The following KCND2 variants were observed in gnomAD, a reference collection of about 807,000 sequenced individuals.
KCND2 encodes the protein A-type voltage-gated potassium channel KCND2.
A neutral mutation model predicts 54.4 loss-of-function variants in KCND2; 16 were observed. That is an observed-to-expected ratio of 0.29 (90% CI 0.20 to 0.45). KCND2 has a LOEUF of 0.45. Among genes scored for constraint, KCND2 ranks in the 20% least tolerant of loss-of-function variants. The pLI is 1.00. For missense variants in KCND2, 486 were observed against 824.2 expected (o/e 0.59, Z 5.02); for synonymous variants, 317 against 310.7 (o/e 1.02, Z -0.21).
chr7:120,274,863 C>T lies in KCND2; in HGVS notation c.231C>T (p.His77=), dbSNP rs1376355469. ...LGSSERDFFY[H]PETQQYFFDR... ...GTTCTGAGAGGGACTTTTTCTACCA[C>T]CCAGAAACTCAGCAGTATTTCTTTG... Residue 77 remains histidine, a synonymous_variant, in exon 1 of 6, where the codon CAC becomes CAT. Transcript: ENST00000331113. The T allele has an allele frequency of 1.9e-6, 3 of 1,614,190 alleles. No homozygotes were observed. The highest frequency in any genetic ancestry group is 1.7e-5 in the Admixed American group (1 of 60,030).
intron 1 of KCND2, among the ~76,000 whole-genome samples, chr7:120,469,639 A>G (rs1802425432): frequency 6.6e-6 from 1 of 152,158 alleles, no homozygotes; most frequent in Admixed American, 6.6e-5. Flanking sequence ...AGAAAGGTTT[A>G]GTGGGATATG....
At chr7:120,304,290 G>C (rs1799621413) in intron 1 of KCND2, among the ~76,000 whole-genome samples, 1 of 152,100 alleles carries the variant, frequency 6.6e-6, no homozygotes, top group African/African-American at 2.4e-5. Context: ...GGGAAGTTCG[G>C]TATTTTGAAA....
At chr7:120,730,242 C>A (rs186531862) in intron 1 of KCND2, among the ~76,000 whole-genome samples, 1 of 151,928 alleles carries the variant, frequency 6.6e-6, no homozygotes, top group African/African-American at 2.4e-5. Flanking sequence ...TGCGCGCGTG[C>A]GTGTGTGTGT....
chr7:120,289,261 G>C (rs537071155), intron 1 of KCND2, among the ~76,000 whole-genome samples: 1 of 152,034 alleles, frequency 6.6e-6, no homozygotes, highest in African/African-American at 2.4e-5. Flanking sequence ...TCCGCTGACT[G>C]TCCCCCTTAT....
rs985799002 is a variant in KCND2 at position 120,451,996 on chromosome 7, A to T, written c.1115+176249A>T. Among the ~76,000 whole-genome samples, 5 of 152,374 alleles carry T rather than the reference A, an allele frequency of 3.3e-5. No homozygotes were observed. In the South Asian group the frequency reaches 1.0e-3, roughly 32 times the overall value. On this transcript the variant is annotated intron_variant, in intron 1 of 5. Coordinates refer to ENST00000331113, the MANE Select transcript of KCND2 (RefSeq NM_012281.3). The stretch of plus-strand genomic sequence containing the variant: ...ATTATTCAAACTACAACAGAAATCG[A>T]TAACACATTTTTAATGAAAAAATAT...
At chr7:120,618,895 T>C (rs908067465) in intron 1 of KCND2, among the ~76,000 whole-genome samples, 3 of 152,152 alleles carry the variant, frequency 2.0e-5, no homozygotes, top group African/African-American at 7.2e-5. Flanking sequence ...ACAGGCTAGA[T>C]TTGAACTCCT....
chr7:120,529,406 A>G (rs1443061008), intron 1 of KCND2, among the ~76,000 whole-genome samples: 1 of 152,160 alleles, frequency 6.6e-6, no homozygotes, highest in Non-Finnish European at 1.5e-5. Context: ...TCATGGCAGC[A>G]TTCCAGCTGC....
At chr7:120,419,548 A>G (rs1801578754) in intron 1 of KCND2, among the ~76,000 whole-genome samples, 1 of 152,102 alleles carries the variant, frequency 6.6e-6, no homozygotes, top group Non-Finnish European at 1.5e-5. Context: ...TGCTCCTCCA[A>G]ATGGGTGCAA....
chr7:120,603,798 A>T (rs1223078259), intron 1 of KCND2, among the ~76,000 whole-genome samples: 1 of 152,242 alleles, frequency 6.6e-6, no homozygotes, highest in Non-Finnish European at 1.5e-5. Flanking sequence ...ATTTATCTCT[A>T]CTGGCAAAAA....
chr7:120,499,484 A>G (rs113208471), intron 1 of KCND2, among the ~76,000 whole-genome samples: 118 of 152,286 alleles, frequency 7.7e-4, no homozygotes, highest in African/African-American at 2.7e-3. Context: ...TCTGCAAAGT[A>G]CATTAAAAGA....
chr7:120,430,937 A>T (rs1355648123), intron 1 of KCND2, among the ~76,000 whole-genome samples: 1 of 152,230 alleles, frequency 6.6e-6, no homozygotes, highest in Non-Finnish European at 1.5e-5. Flanking sequence ...TGAATGAGTT[A>T]ATAAATTTCT....
chr7:120,550,914 G>A (rs1792097963), intron 1 of KCND2, among the ~76,000 whole-genome samples: 1 of 152,192 alleles, frequency 6.6e-6, no homozygotes, highest in Non-Finnish European at 1.5e-5. Context: ...TCAAATTGGA[G>A]TGTTAGGATC....
intron 1 of KCND2, among the ~76,000 whole-genome samples, chr7:120,589,988 G>A (rs905208781): frequency 2.0e-5 from 3 of 152,076 alleles, no homozygotes; most frequent in Non-Finnish European, 4.4e-5. Context: ...TTTTCACAAA[G>A]GCTCGTTATT....
At chr7:120,333,992 A>T (rs894702294) in intron 1 of KCND2, among the ~76,000 whole-genome samples, 1 of 152,194 alleles carries the variant, frequency 6.6e-6, no homozygotes, top group Non-Finnish European at 1.5e-5. Context: ...TTATAATCAG[A>T]ATTTTGTATG....
intron 1 of KCND2, among the ~76,000 whole-genome samples, chr7:120,474,021 A>G (rs1183928525): frequency 6.6e-6 from 1 of 152,094 alleles, no homozygotes; most frequent in African/African-American, 2.4e-5. Context: ...TGGTAATGTG[A>G]TCTAATGGTG....
chr7:120,319,597 T>C (rs964244828), intron 1 of KCND2, among the ~76,000 whole-genome samples: 2 of 152,126 alleles, frequency 1.3e-5, no homozygotes, highest in African/African-American at 4.8e-5. Context: ...CTTGCCGATA[T>C]ATCTAAAACA....
At chr7:120,738,747 CAAT>C (rs1394710518) in intron 2 of KCND2, among the ~76,000 whole-genome samples, 2 of 151,992 alleles carry the variant, frequency 1.3e-5, no homozygotes, top group Non-Finnish European at 2.9e-5. Context: ...TTTAACCTCC[CAAT>C]TACATAATTG....
intron 1 of KCND2, among the ~76,000 whole-genome samples, chr7:120,525,545 AGC>A (rs1430315162): frequency 5.9e-5 from 9 of 152,326 alleles, no homozygotes; most frequent in Admixed American, 1.3e-4. Context: ...ACAATTAAGT[AGC>A]TGGCAGGAAA....
chr7:120,374,117 G>T (rs117853121), intron 1 of KCND2, among the ~76,000 whole-genome samples: 4,310 of 151,450 alleles, frequency 0.028, 107 homozygotes, highest in South Asian at 0.066. Context: ...TATTCCAGTA[G>T]GTTTTTATCT....
Sources: allele counts gnomAD v4.1 joint callset (sites outside exome capture counted in the v4.1 genomes callset), GRCh38; gene constraint gnomAD v4.1.1; transcripts MANE v1.5; gene names NCBI Gene and HGNC (gene_info 2026-07-23, HGNC 2026-07-21).